The following NALCN variants were observed in gnomAD, a reference collection of about 807,000 sequenced individuals.
The protein encoded by NALCN is sodium leak channel, non-selective, also known as sodium leak channel NALCN.
Under a neutral mutation model 225.3 loss-of-function variants are expected in NALCN, and 111 were observed. The observed-to-expected ratio is 0.49, with a 90% CI of 0.42 to 0.58. The LOEUF (loss-of-function observed/expected upper bound fraction) is 0.58. NALCN is among the 20% of genes least tolerant of loss of function. NALCN has a pLI of 0.00. For missense variants in NALCN, 1,378 were observed against 2,202.4 expected (o/e 0.63, Z 7.49); for synonymous variants, 764 against 769.0 (o/e 0.99, Z 0.11).
At chr13:101,193,688 A>G (rs2039775721) in intron 13 of NALCN, among the ~76,000 whole-genome samples, 2 of 152,144 alleles carry the variant, frequency 1.3e-5, no homozygotes, top group Non-Finnish European at 2.9e-5. Context: ...TGCAAAAATT[A>G]TTCCTTCTAA....
At chr13:101,258,101 G>C (rs2042299129) in intron 11 of NALCN, among the ~76,000 whole-genome samples, 1 of 152,050 alleles carries the variant, frequency 6.6e-6, no homozygotes. Context: ...CTGAATCTGT[G>C]CCTGCTTGTA....
intron 14 of NALCN, among the ~76,000 whole-genome samples, chr13:101,188,828 A>G (rs2039562626): frequency 6.6e-6 from 1 of 151,844 alleles, no homozygotes; most frequent in Admixed American, 6.6e-5. Flanking sequence ...CTGGGCTTAC[A>G]GGTGCTCACC....
intron 14 of NALCN, among the ~76,000 whole-genome samples, chr13:101,188,967 C>T (rs905223034): frequency 1.1e-4 from 17 of 152,100 alleles, no homozygotes; most frequent in African/African-American, 2.7e-4. Context: ...GGATTACAGG[C>T]GTGAGCCACC....
intron 7 of NALCN, among the ~76,000 whole-genome samples, chr13:101,300,363 TTTCTTTCCTTCC>T (rs1420075917): frequency 4.0e-3 from 79 of 19,910 alleles, no homozygotes; most frequent in East Asian, 0.028. Flanking sequence ...TCTTTCTTTC[TTTCTTTCCTTCC>T]TTCCTTCCTT....
intron 7 of NALCN, among the ~76,000 whole-genome samples, chr13:101,332,274 A>G (rs1047807769): frequency 1.3e-5 from 2 of 151,970 alleles, no homozygotes; most frequent in African/African-American, 4.8e-5. Context: ...TTCACAGTAG[A>G]TAAAAAATAA....
intron 19 of NALCN, 28 bp downstream of exon 19, chr13:101,111,097 C>T (rs761652786): frequency 3.1e-6 from 5 of 1,590,400 alleles, no homozygotes; most frequent in Non-Finnish European, 4.3e-6. Context: ...TTTAGAGTCT[C>T]TGAAGCCCTG....
chr13:101,080,491 AATT>A (rs1363315771), intron 34 of NALCN, among the ~76,000 whole-genome samples: 4 of 147,656 alleles, frequency 2.7e-5, no homozygotes, highest in Non-Finnish European at 6.0e-5. Flanking sequence ...TTATATAAAT[AATT>A]ATAATTACAT....
At position 101,124,690 on chromosome 13, in the gene NALCN, G is replaced by T; in HGVS notation, c.2119-9C>A. On this transcript the variant is annotated splice_polypyrimidine_tract_variant and intron_variant, in intron 17 of 43. Transcript: ENST00000251127. The stretch of plus-strand genomic sequence containing the variant: ...AAAACAGACTTGCGAAGCTGAAAAT[G>T]ATAAGAGTATGACTTTTAGTTTTGG... The T allele has an allele frequency of 6.2e-7, 1 of 1,612,624 alleles. No individual in the cohort carries two copies. The highest frequency in any genetic ancestry group is 1.1e-5 in the South Asian group (1 of 90,916).
At chr13:101,069,505 A>G (rs764818520) in intron 37 of NALCN, among the ~76,000 whole-genome samples, 15 of 152,204 alleles carry the variant, frequency 9.9e-5, no homozygotes, top group Non-Finnish European at 2.2e-4. Flanking sequence ...CTCAATGTTG[A>G]CAGCTGCTGA....
intron 15 of NALCN, among the ~76,000 whole-genome samples, chr13:101,150,026 G>T (rs1268599867): frequency 1.3e-5 from 2 of 152,232 alleles, no homozygotes; most frequent in African/African-American, 2.4e-5. Flanking sequence ...ACTAGCAGTT[G>T]AGTGGGAAAA....
Position 101,376,940 on chromosome 13 carries a change from C to T in NALCN, c.492G>A (p.Arg164=), listed in dbSNP as rs1260962644. Residue 164 remains arginine (R), a synonymous_variant, in exon 5 of 44, where the codon AGG becomes AGA. Coordinates refer to ENST00000251127, the MANE Select transcript of NALCN (RefSeq NM_052867.4). ...ACTTTAAAATATTTGTAATTCTGGT[C>T]CTTGGCAGTTCAAATCGGAAATAAA... ...FRIYFRFELP[R]TRITNILKRS... The T allele has an allele frequency of 6.2e-7, 1 of 1,614,180 alleles. No homozygotes were observed. Among genetic ancestry groups the T allele is most frequent in the Non-Finnish European group, 8.5e-7 (1 of 1,180,024 alleles).
intron 13 of NALCN, among the ~76,000 whole-genome samples, chr13:101,198,411 C>A (rs5024236): frequency 0.041 from 6,214 of 152,194 alleles, 186 homozygotes; most frequent in Middle Eastern, 0.061. Context: ...GGGCTAATAT[C>A]CAGAATCTAC....
intron 27 of NALCN, among the ~76,000 whole-genome samples, chr13:101,098,565 G>A (rs1189952191): frequency 6.6e-6 from 1 of 152,194 alleles, no homozygotes; most frequent in East Asian, 1.9e-4. Context: ...GGGAGGAAGT[G>A]CTCAGCCTCA....
chr13:101,144,950 T>TACG, intron 15 of NALCN, 54 bp from the exon 16 acceptor site: 1 of 1,515,054 alleles, frequency 6.6e-7, no homozygotes, highest in South Asian at 1.3e-5. Context: ...TACTATTATA[T>TACG]ACGTTACACA....
At chr13:101,376,040 C>T (rs942820785) in intron 6 of NALCN, among the ~76,000 whole-genome samples, 7 of 152,076 alleles carry the variant, frequency 4.6e-5, no homozygotes, top group African/African-American at 1.7e-4. Context: ...TACCCACCAA[C>T]CCTACAACAG....
intron 10 of NALCN, among the ~76,000 whole-genome samples, chr13:101,282,193 G>A (rs1027909902): frequency 5.9e-5 from 9 of 152,100 alleles, no homozygotes; most frequent in South Asian, 4.1e-4. Context: ...ATCTCAAAGA[G>A]ACATCTGCAG....
intron 13 of NALCN, among the ~76,000 whole-genome samples, chr13:101,199,608 T>A (rs1594419713): frequency 1.6e-5 from 2 of 123,218 alleles, no homozygotes; most frequent in African/African-American, 3.2e-5. Flanking sequence ...ATGAGAACAC[T>A]TGGACACAGG....
intron 6 of NALCN, among the ~76,000 whole-genome samples, chr13:101,360,877 G>C (rs139346507): frequency 7.0e-4 from 106 of 152,290 alleles, no homozygotes; most frequent in Middle Eastern, 3.4e-3. Context: ...CCCTTGGGCA[G>C]GGCAGTAAGC....
chr13:101,356,142 A>G (rs1173617444), intron 6 of NALCN, among the ~76,000 whole-genome samples: 1 of 152,186 alleles, frequency 6.6e-6, no homozygotes. Flanking sequence ...AGAACTAGAG[A>G]AGCAAGAGCA....
Sources: gnomAD v4.1 joint callset for allele counts (sites outside exome capture counted in the v4.1 genomes callset) on GRCh38, gnomAD v4.1.1 for gene constraint, MANE v1.5 for transcripts, NCBI Gene and HGNC (gene_info 2026-07-23, HGNC 2026-07-21) for gene names.